Variants in CLVS1 observed in about 807,000 individuals in gnomAD.
CLVS1 encodes clavesin 1, also known as clavesin-1.
In CLVS1, 10 loss-of-function variants were observed where a neutral mutation model predicts 33.1. That is an observed-to-expected ratio of 0.30 (90% confidence interval 0.19 to 0.51). The LOEUF (loss-of-function observed/expected upper bound fraction) is 0.51. Ranked by LOEUF, CLVS1 falls within the 20% of genes least tolerant of loss-of-function variation. CLVS1 has a pLI of 0.97. For missense variants in CLVS1, 343 were observed against 433.4 expected (o/e 0.79, Z 1.85); for synonymous variants, 163 against 166.1 (o/e 0.98, Z 0.14).
At chr8:61,262,548 A>C (rs1198871707) in intron 2 of CLVS1, among the ~76,000 whole-genome samples, 1 of 152,168 alleles carries the variant, frequency 6.6e-6, no homozygotes, top group African/African-American at 2.4e-5. Flanking sequence ...AGAATTGAGA[A>C]GGTTTTTTAT....
chr8:61,186,016 A>T (rs1230528718), intron 2 of CLVS1, among the ~76,000 whole-genome samples: 1 of 152,198 alleles, frequency 6.6e-6, no homozygotes, highest in East Asian at 1.9e-4. Flanking sequence ...ATAAGGACAG[A>T]GTAAGCAAGG....
rs369924660 is a variant in CLVS1, at chr8:61,065,213, A to G, written c.-243+7983A>G. Among the ~76,000 whole-genome samples the G allele has an allele frequency of 9.8e-5, 15 of 152,376 alleles. No individual in the cohort carries two copies. The South Asian group carries it at 3.1e-3, about 32-fold the overall frequency. On this transcript the variant is annotated intron_variant, in intron 1 of 2. Coordinates refer to the CLVS1 transcript ENST00000522621. Reference sequence around the variant, plus strand: ...TACGTCCTCCCGTATACTTTAAATTACTTCCAGATTCCTTATAATACCTAA... The same window carrying G: ...TACGTCCTCCCGTATACTTTAAATTGCTTCCAGATTCCTTATAATACCTAA...
intron 2 of CLVS1, among the ~76,000 whole-genome samples, chr8:61,282,133 G>A (rs185372685): frequency 3.3e-5 from 5 of 152,246 alleles, no homozygotes; most frequent in Admixed American, 6.5e-5. Flanking sequence ...TTAACTGAGC[G>A]GACTACTCTT....
At chr8:61,278,667 A>C (rs774383179) in intron 2 of CLVS1, among the ~76,000 whole-genome samples, 16 of 152,378 alleles carry the variant, frequency 1.1e-4, no homozygotes, top group African/African-American at 1.9e-4. Flanking sequence ...TAGATAAAAT[A>C]TATTTTTCTT....
At chr8:60,977,383 C>G in the CLVS1 span, among the ~76,000 whole-genome samples, 7 of 152,092 alleles carry the variant, frequency 4.6e-5, no homozygotes, top group African/African-American at 1.7e-4. Context: ...TAGTCAAAGA[C>G]AGTAAATCGA....
At chr8:61,466,773 G>A (rs112595302) in intron 5 of CLVS1, among the ~76,000 whole-genome samples, 34,522 of 151,916 alleles carry the variant, frequency 0.23, 6,340 homozygotes, top group African/African-American at 0.51. Flanking sequence ...TCAGCCTCCC[G>A]AGTAGCTGGG....
intron 5 of CLVS1, among the ~76,000 whole-genome samples, chr8:61,460,033 C>T (rs1817318600): frequency 6.6e-6 from 1 of 152,098 alleles, no homozygotes; most frequent in Admixed American, 6.5e-5. Context: ...CCCATAGAAC[C>T]TCGTTTTACC....
intron 2 of CLVS1, among the ~76,000 whole-genome samples, chr8:61,132,893 G>A (rs929039217): frequency 9.2e-5 from 14 of 152,338 alleles, no homozygotes; most frequent in Admixed American, 8.5e-4. Context: ...AAAGGGATGA[G>A]GTACCATCAT....
At chr8:61,019,028 C>G in the CLVS1 span, among the ~76,000 whole-genome samples, 6 of 152,222 alleles carry the variant, frequency 3.9e-5, no homozygotes, top group Admixed American at 3.9e-4. Context: ...CATGGACAAC[C>G]TGGGAAGCTG....
intron 1 of CLVS1, among the ~76,000 whole-genome samples, chr8:61,123,413 T>A (rs575066623): frequency 6.6e-6 from 1 of 152,328 alleles, no homozygotes; most frequent in South Asian, 2.1e-4. Flanking sequence ...AGTAAAACAT[T>A]TTATGACCTG....
chr8:61,415,974 T>C (rs1476171135), intron 3 of CLVS1, among the ~76,000 whole-genome samples: 1 of 152,182 alleles, frequency 6.6e-6, no homozygotes. Flanking sequence ...TGGTGAATCC[T>C]CTGTAACACT....
chr8:61,439,122 T>A (rs79906222), intron 3 of CLVS1, among the ~76,000 whole-genome samples: 2,501 of 152,308 alleles, frequency 0.016, 31 homozygotes, highest in Middle Eastern at 0.024. Flanking sequence ...AGAGACACCA[T>A]GATCTTATGA....
At chr8:61,470,398 T>C (rs1286089614) in intron 5 of CLVS1, among the ~76,000 whole-genome samples, 1 of 152,216 alleles carries the variant, frequency 6.6e-6, no homozygotes, top group African/African-American at 2.4e-5. Flanking sequence ...TAGAAGGAAA[T>C]GAACGGATGT....
intron 2 of CLVS1, among the ~76,000 whole-genome samples, chr8:61,215,775 C>T (rs1808071863): frequency 6.6e-6 from 1 of 151,450 alleles, no homozygotes. Context: ...TTCAAAGTCA[C>T]TGCCAAGGGA....
At chr8:61,307,514 G>A (rs1810672848) in intron 2 of CLVS1, among the ~76,000 whole-genome samples, 1 of 151,786 alleles carries the variant, frequency 6.6e-6, no homozygotes, top group South Asian at 2.1e-4. Context: ...TAAAGGTGAG[G>A]GATAGGGCAA....
intron 5 of CLVS1, among the ~76,000 whole-genome samples, chr8:61,487,210 C>T (rs1034947656): frequency 2.0e-5 from 3 of 152,172 alleles, no homozygotes; most frequent in Non-Finnish European, 4.4e-5. Flanking sequence ...TCGTTTCCCA[C>T]ATTTCAGACT....
At chr8:61,243,177 A>G (rs1284342981) in intron 2 of CLVS1, among the ~76,000 whole-genome samples, 1 of 152,232 alleles carries the variant, frequency 6.6e-6, no homozygotes, top group African/African-American at 2.4e-5. Context: ...CATGCCAGCA[A>G]TGGGTGGTTC....
At chr8:61,076,263 C>T (rs1191700831) in intron 1 of CLVS1, among the ~76,000 whole-genome samples, 1 of 152,030 alleles carries the variant, frequency 6.6e-6, no homozygotes, top group Non-Finnish European at 1.5e-5. Context: ...TGCTTTTCCC[C>T]TATTTACAGT....
Position 61,333,127 on chromosome 8 carries a change from T to C in CLVS1, c.455+32845T>C, listed in dbSNP as rs1035714606. Among the ~76,000 whole-genome samples, 4 of 152,386 alleles carry C rather than the reference T, an allele frequency of 2.6e-5. No individual in the cohort carries two copies. The South Asian group carries it at 8.3e-4, about 32-fold the overall frequency. ...TTTTTCCACTTCTTTTCATATGCAT[T>C]TACTGATTTTGTTTTTATTACATTG... is the stretch of plus-strand genomic sequence containing the variant. On this transcript the variant is annotated intron_variant, in intron 2 of 5. Coordinates refer to ENST00000325897, the MANE Select transcript of CLVS1 (RefSeq NM_173519.3).
Sources: gnomAD v4.1 joint callset for allele counts (sites outside exome capture counted in the v4.1 genomes callset) on GRCh38, gnomAD v4.1.1 for gene constraint, MANE v1.5 for transcripts, NCBI Gene and HGNC (gene_info 2026-07-23, HGNC 2026-07-21) for gene names.